Variants in CSMD1 observed in about 807,000 individuals in gnomAD.
The protein encoded by CSMD1 is CUB and Sushi multiple domains 1.
Under a neutral mutation model 417.5 loss-of-function variants are expected in CSMD1, and 213 were observed. The observed-to-expected ratio is 0.51, with a 90% CI of 0.46 to 0.57. The LOEUF is 0.57. Ranked by LOEUF, CSMD1 falls within the 20% of genes least tolerant of loss-of-function variation. The pLI is 0.00. For missense variants in CSMD1, 6,923 were observed against 4,529.7 expected (o/e 1.53, Z -15.17); for synonymous variants, 2,862 against 1,736.8 (o/e 1.65, Z -16.11).
chr8:4,195,523 T>C (rs991349833), intron 3 of CSMD1, among the ~76,000 whole-genome samples: 1 of 152,228 alleles, frequency 6.6e-6, no homozygotes, highest in Admixed American at 6.5e-5. Flanking sequence ...TCCCCTGCTC[T>C]TGACTGTGAG....
At chr8:3,119,671 A>G (rs1817083606) in intron 41 of CSMD1, among the ~76,000 whole-genome samples, 1 of 152,218 alleles carries the variant, frequency 6.6e-6, no homozygotes, top group African/African-American at 2.4e-5. Context: ...AGAGGGCGTG[A>G]GTACTCAATG....
intron 1 of CSMD1, among the ~76,000 whole-genome samples, chr8:4,896,713 T>G (rs893184945): frequency 2.0e-5 from 3 of 152,072 alleles, no homozygotes; most frequent in African/African-American, 7.3e-5. Flanking sequence ...GACTTCAAGC[T>G]TGTGATGATG....
chr8:3,579,140 C>T (rs1232864058), intron 9 of CSMD1, among the ~76,000 whole-genome samples: 2 of 152,140 alleles, frequency 1.3e-5, no homozygotes, highest in Non-Finnish European at 2.9e-5. Flanking sequence ...TCACTTACAT[C>T]TTTTCTGTCT....
At chr8:3,747,858 T>C (rs1025135462) in intron 6 of CSMD1, among the ~76,000 whole-genome samples, 5 of 152,198 alleles carry the variant, frequency 3.3e-5, no homozygotes, top group Admixed American at 1.3e-4. Context: ...TTAGTTGCTT[T>C]GGGCTGGGGA....
chr8:4,182,993 T>C (rs1005417106), intron 3 of CSMD1, among the ~76,000 whole-genome samples: 1 of 152,098 alleles, frequency 6.6e-6, no homozygotes, highest in African/African-American at 2.4e-5. Context: ...ATCAAAGTCT[T>C]TCAAGTAAAG....
At chr8:4,207,342 C>G (rs764058990) in intron 3 of CSMD1, among the ~76,000 whole-genome samples, 1 of 152,092 alleles carries the variant, frequency 6.6e-6, no homozygotes, top group Non-Finnish European at 1.5e-5. Context: ...AATTATCTGA[C>G]TAGCAACAAA....
chr8:3,172,481 T>C (rs2129044353), intron 37 of CSMD1, among the ~76,000 whole-genome samples: 1 of 152,322 alleles, frequency 6.6e-6, no homozygotes, highest in Admixed American at 6.5e-5. Context: ...TTAGGTGTTT[T>C]CTTTCTAATT....
At chr8:3,806,798 T>C (rs1372859463) in intron 5 of CSMD1, among the ~76,000 whole-genome samples, 1 of 152,170 alleles carries the variant, frequency 6.6e-6, no homozygotes, top group Admixed American at 6.5e-5. Flanking sequence ...AAATACTAGG[T>C]GCAGCATAGT....
At chr8:3,841,417 G>A (rs75109620) in intron 5 of CSMD1, among the ~76,000 whole-genome samples, 4,404 of 152,176 alleles carry the variant, frequency 0.029, 255 homozygotes, top group African/African-American at 0.1. Flanking sequence ...ATGGAGAAAA[G>A]AAGAAAACAA....
At chr8:4,924,201 C>G (rs141057767) in intron 1 of CSMD1, among the ~76,000 whole-genome samples, 1 of 152,092 alleles carries the variant, frequency 6.6e-6, no homozygotes, top group Non-Finnish European at 1.5e-5. Flanking sequence ...AATGTAGGAT[C>G]CACTTTGAGT....
At chr8:2,976,677 T>C (rs1021236303) in intron 55 of CSMD1, among the ~76,000 whole-genome samples, 30 of 152,192 alleles carry the variant, frequency 2.0e-4, no homozygotes, top group African/African-American at 6.3e-4. Flanking sequence ...GTAAAATGCA[T>C]AGGACAAAGA....
At chr8:4,171,526 T>C (rs892360263) in intron 3 of CSMD1, among the ~76,000 whole-genome samples, 4 of 151,884 alleles carry the variant, frequency 2.6e-5, no homozygotes, top group Non-Finnish European at 4.4e-5. Context: ...GTTTCTTTAG[T>C]TGACACTTAA....
intron 7 of CSMD1, among the ~76,000 whole-genome samples, chr8:3,668,094 G>A (rs55925107): frequency 0.16 from 24,211 of 152,078 alleles, 2,124 homozygotes; most frequent in South Asian, 0.22. Context: ...TCTACCCCTG[G>A]GCTAGAAGGC....
chr8:3,771,166 C>G (rs1183261975), intron 5 of CSMD1, among the ~76,000 whole-genome samples: 3 of 151,792 alleles, frequency 2.0e-5, no homozygotes, highest in African/African-American at 7.3e-5. Flanking sequence ...GGAATTATGA[C>G]TTGGTGCACT....
chr8:2,938,595 G>A lies in CSMD1; in HGVS notation c.10685C>T (p.Thr3562Ile), dbSNP rs1367439865. The A allele has an allele frequency of 1.9e-6, 3 of 1,611,766 alleles. No individual in the cohort carries two copies. Among genetic ancestry groups the A allele is most frequent in the Non-Finnish European group, 1.7e-6 (2 of 1,178,916 alleles). The change falls in exon 70 of 70, where the codon ACA becomes ATA. Residue 3562 changes from threonine to isoleucine, a missense_variant. Coordinates refer to ENST00000635120, the MANE Select transcript of CSMD1 (RefSeq NM_033225.6). ...RFDTTLNTVC[T>I]VV ...TTGGGGCACTGAGGGCTATACCACT[G>A]TACAGACTGTGTTCAGAGTTGTGTC...
intron 19 of CSMD1, among the ~76,000 whole-genome samples, chr8:3,368,527 C>T (rs759455909): frequency 2.0e-5 from 3 of 152,086 alleles, no homozygotes; most frequent in Non-Finnish European, 4.4e-5. Flanking sequence ...TTAGTAGAGA[C>T]AAGGTTCCAC....
At chr8:4,686,497 T>C (rs1048499983) in intron 1 of CSMD1, among the ~76,000 whole-genome samples, 1 of 152,158 alleles carries the variant, frequency 6.6e-6, no homozygotes. Flanking sequence ...AAATAACCTG[T>C]CTCTGAAAAC....
intron 1 of CSMD1, among the ~76,000 whole-genome samples, chr8:4,918,694 G>A (rs545186031): frequency 6.6e-5 from 10 of 152,084 alleles, no homozygotes; most frequent in African/African-American, 2.4e-4. Flanking sequence ...CTTATTATTT[G>A]ACTAATACAT....
At chr8:3,145,125 A>T (rs1409948912) in intron 40 of CSMD1, among the ~76,000 whole-genome samples, 1 of 152,060 alleles carries the variant, frequency 6.6e-6, no homozygotes, top group Non-Finnish European at 1.5e-5. Context: ...CATTGAATCC[A>T]TGTGCTCCAC....
Sources: gnomAD v4.1 joint callset for allele counts (sites outside exome capture counted in the v4.1 genomes callset) on GRCh38, gnomAD v4.1.1 for gene constraint, MANE v1.5 for transcripts, NCBI Gene and HGNC (gene_info 2026-07-23, HGNC 2026-07-21) for gene names.